The following DOCK3 variants were observed in gnomAD, a reference collection of about 807,000 sequenced individuals.
DOCK3 encodes the protein dedicator of cytokinesis 3.
A neutral mutation model predicts 265.6 loss-of-function variants in DOCK3; 60 were observed. The ratio of observed to expected loss-of-function variants is 0.23; its 90% CI spans 0.18 to 0.28. The LOEUF (loss-of-function observed/expected upper bound fraction) is 0.28, where lower values mean the gene tolerates loss of function less well. Among genes scored for constraint, DOCK3 ranks in the 10% least tolerant of loss-of-function variants. The pLI, the probability that DOCK3 is intolerant of heterozygous loss-of-function variation, is 1.00. For synonymous variants in DOCK3, 881 were observed against 938.0 expected, an observed-to-expected ratio of 0.94 and a Z score of 1.11; for missense variants, 1,981 against 2,594.3, an observed-to-expected ratio of 0.76 and a Z score of 5.14.
At chr3:50,751,895 A>G (rs901663399) in intron 1 of DOCK3, among the ~76,000 whole-genome samples, 3 of 152,068 alleles carry the variant, frequency 2.0e-5, no homozygotes, top group Non-Finnish European at 4.4e-5. Flanking sequence ...AGCTTCTTAT[A>G]AAACCATCAG....
intron 1 of DOCK3, among the ~76,000 whole-genome samples, chr3:50,722,676 A>G (rs887204834): frequency 1.3e-5 from 2 of 152,160 alleles, no homozygotes; most frequent in Non-Finnish European, 2.9e-5. Context: ...GAATTAGCAA[A>G]TAGGGGACTT....
chr3:51,297,284 A>G (rs4974109), intron 27 of DOCK3, among the ~76,000 whole-genome samples: 138,600 of 152,178 alleles, frequency 0.91, 63,260 homozygotes, highest in African/African-American at 0.95. Flanking sequence ...GTTAAGCAGT[A>G]GTTTCGTAGA....
At chr3:51,304,787 C>T (rs1388869809) in intron 27 of DOCK3, among the ~76,000 whole-genome samples, 1 of 152,186 alleles carries the variant, frequency 6.6e-6, no homozygotes, top group Non-Finnish European at 1.5e-5. Context: ...GTGGGTCATG[C>T]CAACCACCTA....
At chr3:51,161,094 C>A (rs6780311) in intron 12 of DOCK3, among the ~76,000 whole-genome samples, 105,193 of 141,458 alleles carry the variant, frequency 0.74, 39,402 homozygotes, top group Middle Eastern at 0.83. Flanking sequence ...AAAAAAAAAA[C>A]AAAAACACCT....
chr3:50,806,307 C>A (rs2043410388), intron 2 of DOCK3, among the ~76,000 whole-genome samples: 1 of 151,982 alleles, frequency 6.6e-6, no homozygotes, highest in Admixed American at 6.5e-5. Flanking sequence ...TTTTCACATC[C>A]AAGAGTTGAG....
intron 2 of DOCK3, among the ~76,000 whole-genome samples, chr3:50,821,140 CTTTTTT>C (rs771111717): frequency 4.8e-4 from 57 of 119,474 alleles, no homozygotes; most frequent in Non-Finnish European, 6.3e-4. Flanking sequence ...TTTCTTTTTT[CTTTTTT>C]TTTTTTTTTT....
chr3:51,099,587 G>T (rs2082999910), intron 9 of DOCK3, among the ~76,000 whole-genome samples: 1 of 152,222 alleles, frequency 6.6e-6, no homozygotes, highest in Non-Finnish European at 1.5e-5. Flanking sequence ...GGAGAATTAA[G>T]TGAGATCAGA....
intron 3 of DOCK3, among the ~76,000 whole-genome samples, chr3:50,847,353 C>A: frequency 6.6e-6 from 1 of 152,054 alleles, no homozygotes; most frequent in African/African-American, 2.4e-5. Context: ...GTATGACTTC[C>A]ATTTTTTTGA....
At chr3:50,785,690 A>G (rs1292509333) in intron 2 of DOCK3, among the ~76,000 whole-genome samples, 1 of 152,134 alleles carries the variant, frequency 6.6e-6, no homozygotes, top group Non-Finnish European at 1.5e-5. Flanking sequence ...TTATCTTTTA[A>G]TATACTGTTG....
chr3:50,796,474 G>GA (rs2042791493), intron 2 of DOCK3, among the ~76,000 whole-genome samples: 1 of 152,106 alleles, frequency 6.6e-6, no homozygotes, highest in Non-Finnish European at 1.5e-5. Flanking sequence ...TAGTAGCTGG[G>GA]ATTATAGGCA....
chr3:50,881,722 A>G (rs945639813), intron 3 of DOCK3, among the ~76,000 whole-genome samples: 1 of 152,250 alleles, frequency 6.6e-6, no homozygotes, highest in Non-Finnish European at 1.5e-5. Flanking sequence ...TGCTGTCCCC[A>G]TCATGTGACC....
At position 51,379,617 on chromosome 3, in the gene DOCK3, C is replaced by T. The variant is rs1193807992; in HGVS notation, c.5501-508C>T. Reference sequence around the variant, plus strand: ...TCCCCCGATAGTCCCTGGTCTCAGACTCTGCTCAAGGGCCACAGCAACAGC... The same window carrying T: ...TCCCCCGATAGTCCCTGGTCTCAGATTCTGCTCAAGGGCCACAGCAACAGC... On this transcript the variant is annotated intron_variant, in intron 51 of 52. Transcript: ENST00000266037. The T allele has an allele frequency of 3.0e-6, 3 of 985,368 alleles. No homozygotes were observed. In the African/African-American group the frequency reaches 5.2e-5, roughly 17 times the overall value. The allele number at this position is 985,368 out of a possible 1,614,324, so 61.0% of individuals were successfully genotyped here.
chr3:50,687,238 ATC>A (rs2034889847), intron 1 of DOCK3, among the ~76,000 whole-genome samples: 3 of 152,092 alleles, frequency 2.0e-5, no homozygotes, highest in Admixed American at 1.3e-4. Context: ...AGAAAAAAAA[ATC>A]TCTGCTAAAT....
chr3:50,867,620 T>A (rs2047209257), intron 3 of DOCK3, among the ~76,000 whole-genome samples: 2 of 137,550 alleles, frequency 1.5e-5, no homozygotes. Flanking sequence ...TTTTTTTTTT[T>A]AGGGTTTTTA....
intron 1 of DOCK3, among the ~76,000 whole-genome samples, chr3:50,702,214 C>T (rs1050161981): frequency 4.6e-5 from 7 of 152,014 alleles, no homozygotes; most frequent in South Asian, 2.1e-4. Flanking sequence ...GATTTCTTTC[C>T]GTTTCTTTGT....
chr3:51,000,827 ATTT>A (rs1393655091), intron 5 of DOCK3, among the ~76,000 whole-genome samples: 13 of 151,848 alleles, frequency 8.6e-5, no homozygotes, highest in African/African-American at 3.1e-4. Context: ...TAATTTTTGT[ATTT>A]TTAGTAGAGA....
chr3:50,968,813 G>A (rs1298348286), intron 5 of DOCK3, among the ~76,000 whole-genome samples: 2 of 152,176 alleles, frequency 1.3e-5, no homozygotes, highest in African/African-American at 2.4e-5. Flanking sequence ...GCCTCCCAAA[G>A]TCCTGGGATT....
intron 12 of DOCK3, among the ~76,000 whole-genome samples, chr3:51,176,125 A>T (rs1350282619): frequency 6.6e-6 from 1 of 152,238 alleles, no homozygotes; most frequent in African/African-American, 2.4e-5. Flanking sequence ...TTAAATAATG[A>T]GCCAGAGTGA....
chr3:51,326,462 A>G (rs569284588), intron 32 of DOCK3, among the ~76,000 whole-genome samples: 2 of 151,838 alleles, frequency 1.3e-5, no homozygotes, highest in East Asian at 3.9e-4. Flanking sequence ...GGTTTCTACT[A>G]AAACTGCAAA....
Sources: gnomAD v4.1 joint callset for allele counts (sites outside exome capture counted in the v4.1 genomes callset) on GRCh38, gnomAD v4.1.1 for gene constraint, MANE v1.5 for transcripts, NCBI Gene and HGNC (gene_info 2026-07-23, HGNC 2026-07-21) for gene names.